Variants in ENOX1 observed in about 807,000 individuals in gnomAD.
ENOX1 encodes ecto-NOX disulfide-thiol exchanger 1, also known as candidate growth-related and time keeping constitutive hydroquinone (NADH) oxidase.
A neutral mutation model predicts 82.5 loss-of-function variants in ENOX1; 42 were observed. The ratio of observed to expected loss-of-function variants is 0.51; its 90% CI spans 0.40 to 0.66. ENOX1 has a LOEUF of 0.66. Among genes scored for constraint, ENOX1 ranks in the 30% least tolerant of loss-of-function variants. The pLI, the probability that ENOX1 is intolerant of heterozygous loss-of-function variation, is 0.00. For synonymous variants in ENOX1, 271 were observed against 282.2 expected (o/e 0.96, Z 0.40); for missense variants, 608 against 811.6 (o/e 0.75, Z 3.05).
At chr13:43,705,326 C>A (rs796552998) in intron 1 of ENOX1, among the ~76,000 whole-genome samples, 1,714 of 36,752 alleles carry the variant, frequency 0.047, 28 homozygotes, top group East Asian at 0.11. Flanking sequence ...CTCTCTCTCT[C>A]TCTCTATATA....
In ENOX1 at chr13:43,705,679, T is replaced by G. The variant is rs78547599; in HGVS notation, c.-284-38135A>C. Among the ~76,000 whole-genome samples, 1,312 of 152,092 alleles carry G rather than the reference T, an allele frequency of 8.6e-3. 11 individuals carry two copies. The highest frequency in any genetic ancestry group is 0.013 in the Non-Finnish European group (894 of 67,958). ...TAACATATATGAAACAAAGACTTAG[T>G]AGAAATAAGGGGAAAAAATAGAAAC... On this transcript the variant is annotated intron_variant, in intron 1 of 16. Transcript: ENST00000690772.
chr13:43,273,650 C>A (rs1329059874), intron 12 of ENOX1, among the ~76,000 whole-genome samples: 2 of 152,190 alleles, frequency 1.3e-5, no homozygotes, highest in Admixed American at 6.5e-5. Flanking sequence ...TATGGTTGGG[C>A]ACTGGCTTTG....
At chr13:43,691,380 T>TCGTC (rs1037762074) in intron 1 of ENOX1, among the ~76,000 whole-genome samples, 15 of 151,628 alleles carry the variant, frequency 9.9e-5, no homozygotes, top group Non-Finnish European at 1.8e-4. Context: ...TCCATCCTAC[T>TCGTC]CGTCTTCCAT....
chr13:43,381,615 A>T (rs2052052203), intron 5 of ENOX1, among the ~76,000 whole-genome samples: 1 of 151,800 alleles, frequency 6.6e-6, no homozygotes, highest in Non-Finnish European at 1.5e-5. Context: ...AGATCAATGA[A>T]ATTGATAAAA....
At chr13:43,590,022 C>T (rs903305919) in intron 2 of ENOX1, among the ~76,000 whole-genome samples, 17 of 152,004 alleles carry the variant, frequency 1.1e-4, no homozygotes, top group Non-Finnish European at 2.4e-4. Context: ...CAACAGCAAG[C>T]TACAAATTTG....
At chr13:43,300,786 T>C (rs1167270272) in intron 11 of ENOX1, among the ~76,000 whole-genome samples, 1 of 152,202 alleles carries the variant, frequency 6.6e-6, no homozygotes, top group Non-Finnish European at 1.5e-5. Context: ...TGGAATGAAC[T>C]GGAGGCTGAA....
At chr13:43,247,828 CAT>C (rs71214135) in intron 14 of ENOX1, among the ~76,000 whole-genome samples, 12 of 37,114 alleles carry the variant, frequency 3.2e-4, no homozygotes, top group African/African-American at 5.0e-4. Flanking sequence ...ACAGATGCAA[CAT>C]ATATATATAT....
At chr13:43,266,433 AG>A (rs1273975866) in intron 13 of ENOX1, among the ~76,000 whole-genome samples, 7 of 152,176 alleles carry the variant, frequency 4.6e-5, no homozygotes, top group Non-Finnish European at 1.0e-4. Flanking sequence ...TTAAACTCCC[AG>A]CAAAAAAAAG....
intron 1 of ENOX1, among the ~76,000 whole-genome samples, chr13:43,774,857 CT>C (rs961739964): frequency 2.6e-5 from 4 of 151,236 alleles, no homozygotes; most frequent in South Asian, 4.2e-4. Flanking sequence ...TTTCTTTTTT[CT>C]TTTTTTTTGA....
At chr13:43,360,585 T>C (rs771724812) in intron 6 of ENOX1, among the ~76,000 whole-genome samples, 1 of 152,082 alleles carries the variant, frequency 6.6e-6, no homozygotes, top group African/African-American at 2.4e-5. Context: ...TATTAAATTT[T>C]GGGAAGGCTG....
chr13:43,729,907 G>A lies in ENOX1; in HGVS notation c.-285+56745C>T, dbSNP rs148345092. ...GTGCTGCCAAAGTGAGCACTGCACTGGATCTCTTCTTGAGTTACCACCCAC... is the reference window on the plus strand; with the variant it reads ...GTGCTGCCAAAGTGAGCACTGCACTAGATCTCTTCTTGAGTTACCACCCAC... On this transcript the variant is annotated intron_variant, in intron 1 of 16. Coordinates refer to ENST00000690772, the MANE Select transcript of ENOX1 (RefSeq NM_001347969.2). Among the ~76,000 whole-genome samples, 784 of 152,314 alleles carry A rather than the reference G, an allele frequency of 5.1e-3. 5 individuals are homozygous for A. Among genetic ancestry groups the A allele is most frequent in the African/African-American group, 0.017 (709 of 41,578 alleles).
At position 43,697,244 on chromosome 13, in the gene ENOX1, A is replaced by G. The variant is rs79893611; in HGVS notation, c.-284-29700T>C. 8.9e-3 allele frequency among the ~76,000 whole-genome samples: 1,359 copies of G among 152,300 alleles called. 21 individuals are homozygous for G. Among genetic ancestry groups the G allele is most frequent in the African/African-American group, 0.031 (1,287 of 41,572 alleles). On this transcript the variant is annotated intron_variant, in intron 1 of 16. Transcript: ENST00000690772. ...GTAGGGTCCATTAAGCAAATAAAAT[A>G]TAGAATTGGAGCTTAAGAAATATAT...
At chr13:43,386,484 A>G (rs1447681613) in intron 5 of ENOX1, among the ~76,000 whole-genome samples, 3 of 152,168 alleles carry the variant, frequency 2.0e-5, no homozygotes, top group Non-Finnish European at 4.4e-5. Context: ...ACAAATCACA[A>G]TATCATATTA....
chr13:43,243,627 C>T (rs1345674738), intron 14 of ENOX1, among the ~76,000 whole-genome samples: 1 of 152,178 alleles, frequency 6.6e-6, no homozygotes, highest in Non-Finnish European at 1.5e-5. Flanking sequence ...GCAGGAACCT[C>T]CTACTTTGTC....
At chr13:43,674,716 C>T (rs1004054515) in intron 1 of ENOX1, among the ~76,000 whole-genome samples, 4 of 152,088 alleles carry the variant, frequency 2.6e-5, no homozygotes, top group African/African-American at 7.2e-5. Flanking sequence ...CAGAAACAAA[C>T]CCTAATGCAA....
chr13:43,468,310 T>C (rs2057829983), intron 3 of ENOX1, among the ~76,000 whole-genome samples: 1 of 151,954 alleles, frequency 6.6e-6, no homozygotes, highest in South Asian at 2.1e-4. Flanking sequence ...GTCTCCTAAA[T>C]AGCTGGGACT....
At chr13:43,565,862 TC>T (rs1467050929) in intron 2 of ENOX1, among the ~76,000 whole-genome samples, 1 of 152,110 alleles carries the variant, frequency 6.6e-6, no homozygotes, top group Non-Finnish European at 1.5e-5. Flanking sequence ...CACCATGCCA[TC>T]CTAGTAAACA....
intron 14 of ENOX1, 58 bp from the exon 15 acceptor site, chr13:43,236,796 A>G (rs769567979): frequency 3.3e-6 from 3 of 920,522 alleles, no homozygotes; most frequent in Non-Finnish European, 4.8e-6. Flanking sequence ...GTGCATGTCA[A>G]TAAAAAACAC....
chr13:43,563,529 C>T (rs1169130929), intron 2 of ENOX1, among the ~76,000 whole-genome samples: 3 of 151,676 alleles, frequency 2.0e-5, no homozygotes, highest in Non-Finnish European at 4.4e-5. Context: ...ATAATAGAGA[C>T]CAGAGCAGAA....
Sources: gnomAD v4.1 joint callset for allele counts (sites outside exome capture counted in the v4.1 genomes callset) on GRCh38, gnomAD v4.1.1 for gene constraint, MANE v1.5 for transcripts, NCBI Gene and HGNC (gene_info 2026-07-23, HGNC 2026-07-21) for gene names.